SNTG1: variants seen among roughly 807,000 people sequenced by gnomAD.
SNTG1 encodes syntrophin gamma 1.
A neutral mutation model predicts 74.7 loss-of-function variants in SNTG1; 39 were observed. That is an observed-to-expected ratio of 0.52 (90% confidence interval 0.40 to 0.68). The LOEUF is 0.68. Among genes scored for constraint, SNTG1 ranks in the 30% least tolerant of loss-of-function variants. SNTG1 has a pLI of 0.00. For missense variants in SNTG1, 685 were observed against 609.5 expected (o/e 1.12, Z -1.30); for synonymous variants, 254 against 217.1 (o/e 1.17, Z -1.49).
rs1038790180 is a variant in SNTG1 at position 50,473,901 on chromosome 8, C to A, written c.363+23172C>A. Among the ~76,000 whole-genome samples the A allele has an allele frequency of 2.6e-5, 4 of 151,906 alleles. 1 individual carries two copies. Among genetic ancestry groups the A allele is most frequent in the African/African-American group, 9.7e-5 (4 of 41,368 alleles). ...AAGCAGAAAATAGAATAGTGTTTTC[C>A]AGAGCCTGGGGGAAGAAGGGAACAG... is the stretch of plus-strand genomic sequence containing the variant. On this transcript the variant is annotated intron_variant, in intron 8 of 18. Transcript: ENST00000642720.
chr8:50,766,467 G>A (rs2095614257), intron 18 of SNTG1, among the ~76,000 whole-genome samples: 1 of 151,916 alleles, frequency 6.6e-6, no homozygotes, highest in Non-Finnish European at 1.5e-5. Context: ...CTATTTGCGT[G>A]TAAAGCTTTC....
At chr8:50,161,155 A>G (rs927214989) in intron 1 of SNTG1, among the ~76,000 whole-genome samples, 23 of 152,218 alleles carry the variant, frequency 1.5e-4, no homozygotes, top group African/African-American at 5.3e-4. Context: ...TTATTGTTGA[A>G]GAATCACATG....
intron 1 of SNTG1, among the ~76,000 whole-genome samples, chr8:50,010,814 G>A (rs1472583349): frequency 7.1e-6 from 1 of 139,878 alleles, no homozygotes; most frequent in African/African-American, 2.8e-5. Flanking sequence ...TTTTTGGTGA[G>A]GTGGAGGGGG....
chr8:50,053,731 T>A (rs1819784116), intron 1 of SNTG1, among the ~76,000 whole-genome samples: 1 of 150,446 alleles, frequency 6.6e-6, no homozygotes, highest in Non-Finnish European at 1.5e-5. Context: ...TAGTAACACA[T>A]GAACTTGTTC....
At chr8:50,687,378 G>A (rs1317587473) in intron 15 of SNTG1, among the ~76,000 whole-genome samples, 1 of 152,116 alleles carries the variant, frequency 6.6e-6, no homozygotes, top group East Asian at 1.9e-4. Flanking sequence ...AACAAAACCT[G>A]ACTATATGCT....
Position 50,432,860 on chromosome 8 carries a change from C to T in SNTG1, c.163-5683C>T, listed in dbSNP as rs188450946. On this transcript the variant is annotated intron_variant, in intron 4 of 18. Transcript: ENST00000642720. Reference sequence around the variant, plus strand: ...AGGCTGGAGTGCAGTGGCACAGTCTCGGCTACTGCAACCTCCACCTCCCTG... The same window carrying T: ...AGGCTGGAGTGCAGTGGCACAGTCTTGGCTACTGCAACCTCCACCTCCCTG... Among the ~76,000 whole-genome samples, 263 of 152,054 alleles carry T rather than the reference C, an allele frequency of 1.7e-3. 1 individual carries two copies. The highest frequency in any genetic ancestry group is 2.8e-3 in the Non-Finnish European group (188 of 67,998).
At chr8:50,059,598 T>G (rs753644938) in intron 1 of SNTG1, among the ~76,000 whole-genome samples, 1 of 152,148 alleles carries the variant, frequency 6.6e-6, no homozygotes. Flanking sequence ...TCATGCAATA[T>G]GCGACTTTTG....
chr8:50,049,385 C>A (rs747066376), intron 1 of SNTG1, among the ~76,000 whole-genome samples: 16 of 152,016 alleles, frequency 1.1e-4, no homozygotes, highest in African/African-American at 3.6e-4. Context: ...TCAAATAGGT[C>A]ATTATATATA....
In SNTG1 at chr8:49,938,580, T is replaced by TTCTTC. The variant is rs1355768665; in HGVS notation, c.-103+26353_-103+26354insCTCTT. On this transcript the variant is annotated intron_variant, in intron 1 of 18. Coordinates refer to ENST00000642720, the MANE Select transcript of SNTG1 (RefSeq NM_018967.5). ...TTGTTTTCTTTTCTTTTCTTTTCTT[T>TTCTTC]TCTTTTCTTTTCTTTTCTTTTCTTT... 3.3e-4 allele frequency among the ~76,000 whole-genome samples: 13 copies of TTCTTC among 39,934 alleles called. 1 individual carries two copies. The highest frequency in any genetic ancestry group is 4.2e-4 in the Non-Finnish European group (8 of 19,000). 26.2% of individuals were successfully genotyped at this position (39,934 alleles called of 152,430 possible). A position where few individuals can be genotyped will look rare whatever the true frequency, so the allele number is the denominator to read the frequency against.
At chr8:50,790,614 T>C (rs1348693298) in intron 18 of SNTG1, among the ~76,000 whole-genome samples, 3 of 152,002 alleles carry the variant, frequency 2.0e-5, no homozygotes, top group East Asian at 3.9e-4. Context: ...TTGCCAAGGC[T>C]GATCACTGAG....
At chr8:50,313,260 T>C (rs527497009) in intron 2 of SNTG1, among the ~76,000 whole-genome samples, 3 of 150,016 alleles carry the variant, frequency 2.0e-5, no homozygotes, top group East Asian at 2.0e-4. Context: ...TGAACAATGA[T>C]TTTTTTGAAT....
rs2093608960 is a variant in SNTG1, at chr8:50,466,403, G to A, written c.363+15674G>A. On this transcript the variant is annotated intron_variant, in intron 8 of 18. Coordinates refer to ENST00000642720, the MANE Select transcript of SNTG1 (RefSeq NM_018967.5). ...CTTTTTGTTCTCTTCCATTGATCATGTGTATTCTTTTGCCAACACCATGCT... is the reference window on the plus strand; with the variant it reads ...CTTTTTGTTCTCTTCCATTGATCATATGTATTCTTTTGCCAACACCATGCT... Among the ~76,000 whole-genome samples, 4 of 152,032 alleles carry A rather than the reference G, an allele frequency of 2.6e-5. No homozygotes were observed. The South Asian group carries it at 8.3e-4, about 32-fold the overall frequency.
intron 1 of SNTG1, among the ~76,000 whole-genome samples, chr8:49,946,891 C>T (rs1408981734): frequency 6.6e-6 from 1 of 152,136 alleles, no homozygotes; most frequent in Non-Finnish European, 1.5e-5. Context: ...AAATTAATGT[C>T]CCCAAATATT....
At chr8:50,682,450 T>C (rs1321209214) in intron 15 of SNTG1, among the ~76,000 whole-genome samples, 1 of 152,038 alleles carries the variant, frequency 6.6e-6, no homozygotes, top group African/African-American at 2.4e-5. Flanking sequence ...TGTGAACTAC[T>C]GATTAGAGCT....
intron 8 of SNTG1, among the ~76,000 whole-genome samples, chr8:50,489,558 C>A (rs973572225): frequency 6.6e-6 from 1 of 152,212 alleles, no homozygotes; most frequent in Non-Finnish European, 1.5e-5. Flanking sequence ...TGTTTGTTGG[C>A]TGCATAAATG....
intron 1 of SNTG1, among the ~76,000 whole-genome samples, chr8:49,925,739 A>C (rs1806965291): frequency 6.6e-6 from 1 of 152,148 alleles, no homozygotes; most frequent in Non-Finnish European, 1.5e-5. Context: ...AAACTATCCA[A>C]GTTGTTGCCT....
At chr8:50,757,629 CA>C (rs1181410421) in intron 18 of SNTG1, among the ~76,000 whole-genome samples, 7 of 151,806 alleles carry the variant, frequency 4.6e-5, no homozygotes, top group Non-Finnish European at 5.9e-5. Flanking sequence ...TCCATTTTGA[CA>C]ATCTTTATTT....
chr8:50,606,400 C>T (rs1320287905), intron 13 of SNTG1, among the ~76,000 whole-genome samples: 1 of 151,890 alleles, frequency 6.6e-6, no homozygotes, highest in African/African-American at 2.4e-5. Context: ...TTCCTAAGTA[C>T]CTCATATTTT....
At position 49,967,422 on chromosome 8, in the gene SNTG1, C is replaced by T. The variant is rs2129859504; in HGVS notation, c.-103+55191C>T. 2.0e-5 allele frequency among the ~76,000 whole-genome samples: 3 copies of T among 152,262 alleles called. No homozygotes were observed. The South Asian group carries it at 6.2e-4, about 32-fold the overall frequency. ...TGTAGACATGAGACTGTGAACTTTTCTGTATTGTTTACTTTCTGCTTTGGT... is the reference window on the plus strand; with the variant it reads ...TGTAGACATGAGACTGTGAACTTTTTTGTATTGTTTACTTTCTGCTTTGGT... On this transcript the variant is annotated intron_variant, in intron 1 of 18. Transcript: ENST00000642720.
Sources: allele counts gnomAD v4.1 joint callset (sites outside exome capture counted in the v4.1 genomes callset), GRCh38; gene constraint gnomAD v4.1.1; transcripts MANE v1.5; gene names NCBI Gene and HGNC (gene_info 2026-07-23, HGNC 2026-07-21).